DENND5B: variants seen among roughly 807,000 people sequenced by gnomAD.
The protein encoded by DENND5B is DENN domain-containing protein 5B.
Under a neutral mutation model 140.6 loss-of-function variants are expected in DENND5B, and 34 were observed. The ratio of observed to expected loss-of-function variants is 0.24; its 90% confidence interval spans 0.18 to 0.32. DENND5B has a LOEUF of 0.32. Among genes scored for constraint, DENND5B ranks in the 10% least tolerant of loss-of-function variants. The pLI is 1.00. For synonymous variants in DENND5B, 551 were observed against 562.1 expected (o/e 0.98, Z 0.28); for missense variants, 1,142 against 1,560.2 (o/e 0.73, Z 4.52).
At position 31,437,144 on chromosome 12, in the gene DENND5B, C is replaced by CG. The variant is rs201072015; in HGVS notation, c.2013-3897_2013-3896insC. The stretch of plus-strand genomic sequence containing the variant: ...AAAGTCTACTATAGCACCTGCCCCC[C>CG]CCTTTTTTTTTTTTTTGAGACGGAG... On this transcript the variant is annotated intron_variant, in intron 7 of 20. Transcript: ENST00000389082. Among the ~76,000 whole-genome samples, 145 of 88,190 alleles carry CG rather than the reference C, an allele frequency of 1.6e-3. 2 individuals are homozygous for CG. Among genetic ancestry groups the CG allele is most frequent in the African/African-American group, 2.9e-3 (95 of 32,700 alleles). 57.9% of individuals were successfully genotyped at this position (88,190 alleles called of 152,430 possible). A position where few individuals can be genotyped will look rare whatever the true frequency, so the allele number is the denominator to read the frequency against.
intron 2 of DENND5B, among the ~76,000 whole-genome samples, chr12:31,488,573 C>CA (rs1369167326): frequency 2.0e-5 from 3 of 151,834 alleles, no homozygotes; most frequent in South Asian, 2.1e-4. Flanking sequence ...TCCAACAAAT[C>CA]AAAAAAAGTA....
intron 1 of DENND5B, among the ~76,000 whole-genome samples, chr12:31,525,380 C>G (rs964927077): frequency 3.3e-5 from 5 of 152,142 alleles, no homozygotes; most frequent in African/African-American, 1.2e-4. Context: ...CTGATGAGTG[C>G]TACAATGTGG....
At chr12:31,584,243 T>C (rs1950311691) in intron 1 of DENND5B, among the ~76,000 whole-genome samples, 1 of 152,166 alleles carries the variant, frequency 6.6e-6, no homozygotes, top group African/African-American at 2.4e-5. Flanking sequence ...TTTCTTTCCC[T>C]TTCTCTCCTC....
rs1565524230 is a variant in DENND5B at position 31,382,478 on chromosome 12, G to A, written c.*5125C>T. ...AGCTAATTAAAAAAAAGATACACAG[G>A]TTACATTTATACATGGTTCAAGTGT... On this transcript the variant is annotated 3_prime_UTR_variant, in exon 21 of 21. Coordinates refer to ENST00000389082, the MANE Select transcript of DENND5B (RefSeq NM_144973.4). 6.6e-6 allele frequency: 1 copy of A among 151,870 alleles called. No homozygotes were observed. Among genetic ancestry groups the A allele is most frequent in the East Asian group, 1.9e-4 (1 of 5,202 alleles). 9.4% of individuals were successfully genotyped at this position (151,870 alleles called of 1,614,324 possible). A position where few individuals can be genotyped will look rare whatever the true frequency, so the allele number is the denominator to read the frequency against.
At chr12:31,400,997 C>G (rs1941767130) in intron 15 of DENND5B, among the ~76,000 whole-genome samples, 1 of 151,972 alleles carries the variant, frequency 6.6e-6, no homozygotes. Flanking sequence ...CATGTGCCAC[C>G]ATGCCCGGCT....
At chr12:31,412,523 G>C (rs1445629082) in intron 13 of DENND5B, among the ~76,000 whole-genome samples, 1 of 152,136 alleles carries the variant, frequency 6.6e-6, no homozygotes. Flanking sequence ...TTCACAATAG[G>C]GTTTATGCTC....
chr12:31,555,911 C>G (rs992458702), intron 1 of DENND5B, among the ~76,000 whole-genome samples: 2 of 152,188 alleles, frequency 1.3e-5, no homozygotes, highest in Non-Finnish European at 2.9e-5. Context: ...TGGAAAAGCA[C>G]AATATTAGGG....
intron 1 of DENND5B, among the ~76,000 whole-genome samples, chr12:31,573,202 T>C (rs1949883771): frequency 6.6e-6 from 1 of 152,196 alleles, no homozygotes. Context: ...TATTCAATTG[T>C]GTTACTAAAA....
intron 2 of DENND5B, among the ~76,000 whole-genome samples, chr12:31,488,601 C>T (rs982270567): frequency 6.6e-6 from 1 of 152,090 alleles, no homozygotes; most frequent in African/African-American, 2.4e-5. Flanking sequence ...TATATCTAAT[C>T]GGGAAACATG....
intron 1 of DENND5B, among the ~76,000 whole-genome samples, chr12:31,567,072 C>A (rs73088505): frequency 0.13 from 20,276 of 152,216 alleles, 1,609 homozygotes; most frequent in Non-Finnish European, 0.18. Flanking sequence ...TATTGCAACA[C>A]CTTATTTCAA....
chr12:31,557,525 G>A (rs2139300867), intron 1 of DENND5B, among the ~76,000 whole-genome samples: 1 of 152,042 alleles, frequency 6.6e-6, no homozygotes, highest in South Asian at 2.1e-4. Flanking sequence ...GGGATTACAG[G>A]TATGCACCAG....
rs148692169 is a variant in DENND5B at position 31,437,664 on chromosome 12, G to C, written c.2013-4416C>G. ...AAAGCCTTTGAGTTAATTGCAGATC[G>C]TACAACCAACAGTAGAATCAAGAAA... On this transcript the variant is annotated intron_variant, in intron 7 of 20. Transcript: ENST00000389082. Among the ~76,000 whole-genome samples the C allele has an allele frequency of 4.6e-5, 7 of 151,926 alleles. No homozygotes were observed. The South Asian group carries it at 8.3e-4, about 18-fold the overall frequency.
chr12:31,407,421 G>A (rs567255150), intron 14 of DENND5B, among the ~76,000 whole-genome samples: 5 of 152,278 alleles, frequency 3.3e-5, no homozygotes, highest in South Asian at 4.1e-4. Context: ...GAGCCACCGC[G>A]CCCGGCCCAA....
At chr12:31,480,382 A>G (rs1454980711) in intron 2 of DENND5B, 127 bp from the exon 3 acceptor site, 3 of 828,742 alleles carry the variant, frequency 3.6e-6, no homozygotes, top group African/African-American at 3.5e-5. Flanking sequence ...AATATTCGCA[A>G]TAGCCTTAAA....
chr12:31,566,782 G>A (rs1193240845), intron 1 of DENND5B, among the ~76,000 whole-genome samples: 3 of 152,166 alleles, frequency 2.0e-5, no homozygotes, highest in Non-Finnish European at 2.9e-5. Context: ...TACTATACAA[G>A]CATTATCAAC....
chr12:31,572,763 C>T (rs1355588437), intron 1 of DENND5B, among the ~76,000 whole-genome samples: 1 of 152,150 alleles, frequency 6.6e-6, no homozygotes, highest in Admixed American at 6.5e-5. Context: ...TGGATTTTAA[C>T]TTCTCATACC....
chr12:31,535,409 G>GACAC (rs969913165), intron 1 of DENND5B, among the ~76,000 whole-genome samples: 2 of 149,950 alleles, frequency 1.3e-5, no homozygotes, highest in African/African-American at 2.4e-5. Context: ...GAGAGAGAGA[G>GACAC]ACACACACAC....
chr12:31,538,249 G>A (rs959623485), intron 1 of DENND5B, among the ~76,000 whole-genome samples: 18 of 151,970 alleles, frequency 1.2e-4, no homozygotes, highest in African/African-American at 4.1e-4. Flanking sequence ...TCTCAAGGAT[G>A]GACCATATGT....
At chr12:31,503,752 C>T (rs546898946) in intron 1 of DENND5B, among the ~76,000 whole-genome samples, 3 of 152,298 alleles carry the variant, frequency 2.0e-5, no homozygotes, top group African/African-American at 4.8e-5. Context: ...ACATAGTCCT[C>T]GTTTCCGGTT....
Sources: allele counts gnomAD v4.1 joint callset (sites outside exome capture counted in the v4.1 genomes callset), GRCh38; gene constraint gnomAD v4.1.1; transcripts MANE v1.5; gene names NCBI Gene and HGNC (gene_info 2026-07-23, HGNC 2026-07-21).